The following PDIA6 variants were observed in gnomAD, a reference collection of about 807,000 sequenced individuals.
The protein encoded by PDIA6 is protein disulfide isomerase family A member 6.
A neutral mutation model predicts 58.4 loss-of-function variants in PDIA6; 29 were observed. That is an observed-to-expected ratio of 0.50 (90% CI 0.37 to 0.68). The LOEUF (loss-of-function observed/expected upper bound fraction) is 0.68, where lower values mean the gene tolerates loss of function less well. PDIA6 is among the 30% of genes least tolerant of loss of function. The probability of loss-of-function intolerance (pLI) is 0.00; values close to 1 mark genes in which losing one functional copy is unlikely to be tolerated. For synonymous variants in PDIA6, 192 were observed against 202.6 expected (o/e 0.95, Z 0.44); for missense variants, 480 against 551.0 (o/e 0.87, Z 1.29).
chr2:10,834,678 T>C (rs1260170134), upstream of PDIA6, among the ~76,000 whole-genome samples: 1 of 147,414 alleles, frequency 6.8e-6, no homozygotes, highest in Non-Finnish European at 1.5e-5. Context: ...CTTGATGTGT[T>C]TGTGGAGTGA....
intron 1 of PDIA6, among the ~76,000 whole-genome samples, chr2:10,824,144 C>T (rs1667481894): frequency 6.6e-6 from 1 of 151,662 alleles, no homozygotes; most frequent in Non-Finnish European, 1.5e-5. Flanking sequence ...ATGTTGGTTC[C>T]ATACTGTAGT....
chr2:10,799,053 G>A (rs1461290006), intron 2 of PDIA6, among the ~76,000 whole-genome samples: 1 of 152,174 alleles, frequency 6.6e-6, no homozygotes, highest in South Asian at 2.1e-4. Context: ...GGGGAGAGGA[G>A]GAGAGAAGAG....
At chr2:10,834,363 C>T (rs11903377), upstream of PDIA6, among the ~76,000 whole-genome samples, 32,573 of 152,192 alleles carry the variant, frequency 0.21, 3,860 homozygotes, top group East Asian at 0.44. Context: ...ACATTCTGGA[C>T]ACGTGTGCCC....
At chr2:10,830,314 C>G (rs1431276867) in intron 1 of PDIA6, among the ~76,000 whole-genome samples, 1 of 152,258 alleles carries the variant, frequency 6.6e-6, no homozygotes, top group Non-Finnish European at 1.5e-5. Flanking sequence ...TGTGGACCTC[C>G]GTGCCTATCA....
In PDIA6 at chr2:10,784,926, G is replaced by A. The variant is rs781295812; in HGVS notation, c.1254+8C>T. 1.3e-6 allele frequency: 2 copies of A among 1,562,654 alleles called. No homozygotes were observed. The highest frequency in any genetic ancestry group is 1.7e-6 in the Non-Finnish European group (2 of 1,147,744). ...GCTGCCCGCACAGCTTCCCTCCCGGGCACTCACCTCGCCATCCCTGCCGTC... is the reference window on the plus strand; with the variant it reads ...GCTGCCCGCACAGCTTCCCTCCCGGACACTCACCTCGCCATCCCTGCCGTC... On this transcript the variant is annotated splice_region_variant and intron_variant, in intron 12 of 12. Transcript: ENST00000272227.
At chr2:10,807,588 T>C (rs780288094) in intron 1 of PDIA6, among the ~76,000 whole-genome samples, 13 of 152,230 alleles carry the variant, frequency 8.5e-5, no homozygotes, top group Non-Finnish European at 7.3e-5. Flanking sequence ...TTTGTTGATA[T>C]AGCAAATTAT....
exon 1 of PDIA6, chr2:10,832,480 T>C (rs1572713477): frequency 2.0e-6 from 2 of 983,072 alleles, no homozygotes; most frequent in Non-Finnish European, 2.4e-6. Context: ...GCGGGCACCC[T>C]CGGTTGAGTA....
rs1665581889 is a variant in PDIA6, at chr2:10,784,221, A to G, written c.*37T>C. 1 of 1,562,526 alleles carries G rather than the reference A, an allele frequency of 6.4e-7. No homozygotes were observed. Among genetic ancestry groups the G allele is most frequent in the African/African-American group, 1.4e-5 (1 of 73,444 alleles). On this transcript the variant is annotated 3_prime_UTR_variant, in exon 13 of 13. Transcript: ENST00000272227. ...CTGCTGGAAAAATCCACTGGCTCCC[A>G]AGAAAAGAAAATGGTCTGAAGCCTC...
chr2:10,788,983 T>C lies in PDIA6; in HGVS notation c.841-2A>G. 1 of 1,613,060 alleles carries C rather than the reference T, an allele frequency of 6.2e-7. No individual in the cohort carries two copies. Among genetic ancestry groups the C allele is most frequent in the Non-Finnish European group, 8.5e-7 (1 of 1,178,990 alleles). On this transcript the variant is annotated splice_acceptor_variant, in intron 8 of 12. Transcript: ENST00000272227. LOFTEE classifies it high-confidence loss of function. Reference sequence around the variant, plus strand: ...CTTGGCAATGTCCTCGTTGATAATCTGTGGGACCCAAAAGACAAGGGACAA... The same window carrying C: ...CTTGGCAATGTCCTCGTTGATAATCCGTGGGACCCAAAAGACAAGGGACAA...
chr2:10,833,690 C>T (rs1227509357), upstream of PDIA6, among the ~76,000 whole-genome samples: 1 of 152,218 alleles, frequency 6.6e-6, no homozygotes, highest in Non-Finnish European at 1.5e-5. Context: ...GATTGGAACT[C>T]CCGGAGGCAG....
chr2:10,830,028 C>G (rs967774985), intron 1 of PDIA6, among the ~76,000 whole-genome samples: 5 of 152,194 alleles, frequency 3.3e-5, no homozygotes, highest in African/African-American at 1.2e-4. Context: ...TGCTTCTCTG[C>G]CCCCCACTAC....
At chr2:10,830,213 C>T (rs1236044044) in intron 1 of PDIA6, among the ~76,000 whole-genome samples, 1 of 152,190 alleles carries the variant, frequency 6.6e-6, no homozygotes, top group East Asian at 1.9e-4. Context: ...AGACAGGGGC[C>T]AGGACTGGGC....
chr2:10,797,470 T>C (rs1198746348), intron 3 of PDIA6, among the ~76,000 whole-genome samples: 1 of 152,106 alleles, frequency 6.6e-6, no homozygotes, highest in Non-Finnish European at 1.5e-5. Flanking sequence ...GGAAAAACAA[T>C]AAACAAAAAC....
chr2:10,803,147 G>A (rs1035328649), intron 1 of PDIA6, among the ~76,000 whole-genome samples: 1 of 152,092 alleles, frequency 6.6e-6, no homozygotes, highest in Non-Finnish European at 1.5e-5. Context: ...TCTTTCAAGG[G>A]CAATGGTAAT....
chr2:10,789,181 G>A (rs1350334093), intron 8 of PDIA6, among the ~76,000 whole-genome samples, 200 bp from the exon 9 acceptor site: 3 of 152,200 alleles, frequency 2.0e-5, no homozygotes, highest in African/African-American at 7.2e-5. Flanking sequence ...TGTGGAAGCT[G>A]TGGTGGTGGA....
In PDIA6 at chr2:10,804,245, AAAAC is replaced by A. The variant is rs1050632420; in HGVS notation, c.20-1609_20-1606del. 2.9e-3 allele frequency among the ~76,000 whole-genome samples: 434 copies of A among 152,134 alleles called. 1 individual carries two copies. The highest frequency in any genetic ancestry group is 1.0e-2 in the African/African-American group (414 of 41,518). On this transcript the variant is annotated intron_variant, in intron 1 of 12. Coordinates refer to ENST00000272227, the MANE Select transcript of PDIA6 (RefSeq NM_005742.4). ...TTTTGACAAAAAAGTTTAAAAAACTAAAACAAACTTTAAAAACGAAAAAAACCTA... is the reference window on the plus strand; with the variant it reads ...TTTTGACAAAAAAGTTTAAAAAACTAAAACTTTAAAAACGAAAAAAACCTA...
At chr2:10,830,960 T>C (rs1446382675) in intron 1 of PDIA6, among the ~76,000 whole-genome samples, 1 of 152,104 alleles carries the variant, frequency 6.6e-6, no homozygotes, top group African/African-American at 2.4e-5. Context: ...GTCTCCCTCC[T>C]AGGGAGAAAT....
chr2:10,820,546 C>A (rs2148575581), intron 1 of PDIA6, among the ~76,000 whole-genome samples: 1 of 152,226 alleles, frequency 6.6e-6, no homozygotes, highest in African/African-American at 2.4e-5. Context: ...GTGTAAGTTT[C>A]TAGTTTTTCT....
intron 1 of PDIA6, among the ~76,000 whole-genome samples, chr2:10,825,404 GA>G (rs1488801674): frequency 6.6e-6 from 1 of 152,016 alleles, no homozygotes; most frequent in Non-Finnish European, 1.5e-5. Context: ...ATGGATTCTT[GA>G]AAAAGTTTAA....
Sources: gnomAD v4.1 joint callset for allele counts (sites outside exome capture counted in the v4.1 genomes callset) on GRCh38, gnomAD v4.1.1 for gene constraint, MANE v1.5 for transcripts, NCBI Gene and HGNC (gene_info 2026-07-23, HGNC 2026-07-21) for gene names.